MEF2C: variants seen among roughly 807,000 people sequenced by gnomAD.
The protein encoded by MEF2C is myocyte-specific enhancer factor 2C.
Under a neutral mutation model 50.5 loss-of-function variants are expected in MEF2C, and 6 were observed. The ratio of observed to expected loss-of-function variants is 0.12; its 90% CI spans 0.07 to 0.23. MEF2C has a LOEUF of 0.23. Among genes scored for constraint, MEF2C ranks in the 10% least tolerant of loss-of-function variants. MEF2C has a pLI of 1.00. For missense variants in MEF2C, 276 were observed against 605.0 expected (o/e 0.46, Z 5.70); for synonymous variants, 183 against 228.0 (o/e 0.80, Z 1.78).
chr5:88,793,994 A>C (rs1024933893), intron 3 of MEF2C, among the ~76,000 whole-genome samples: 1 of 152,180 alleles, frequency 6.6e-6, no homozygotes, highest in African/African-American at 2.4e-5. Flanking sequence ...TTATGGCTGC[A>C]TAGTATTCCA....
chr5:88,863,656 C>T (rs1289726830), intron 1 of MEF2C, among the ~76,000 whole-genome samples: 2 of 152,186 alleles, frequency 1.3e-5, no homozygotes, highest in Non-Finnish European at 2.9e-5. Context: ...CCACTCCCGC[C>T]TCCATTTCTG....
At chr5:88,800,313 C>A (rs970956455) in intron 3 of MEF2C, among the ~76,000 whole-genome samples, 4 of 152,162 alleles carry the variant, frequency 2.6e-5, no homozygotes, top group African/African-American at 9.7e-5. Context: ...AATTGTTTAG[C>A]CTACACCTTC....
chr5:88,819,556 C>T, intron 2 of MEF2C: 1 of 173,466 alleles, frequency 5.8e-6, no homozygotes, highest in Non-Finnish European at 1.1e-5. Flanking sequence ...TGTCACCTGC[C>T]TAACTCTGAA....
chr5:88,721,524 A>G lies in MEF2C; in HGVS notation c.*1080T>C, dbSNP rs1397737283. 1 of 152,618 alleles carries G rather than the reference A, an allele frequency of 6.6e-6. No homozygotes were observed. Among genetic ancestry groups the G allele is most frequent in the Non-Finnish European group, 1.5e-5 (1 of 68,026 alleles). 9.5% of individuals were successfully genotyped at this position (152,618 alleles called of 1,614,324 possible). A position where few individuals can be genotyped will look rare whatever the true frequency, so the allele number is the denominator to read the frequency against. On this transcript the variant is annotated 3_prime_UTR_variant, in exon 11 of 11. Transcript: ENST00000504921. ...AAGAAAATAGTTACTCAAATGTGCAACTGCACAAATATACCCCCCTCCCGC... is the reference window on the plus strand; with the variant it reads ...AAGAAAATAGTTACTCAAATGTGCAGCTGCACAAATATACCCCCCTCCCGC...
At chr5:88,831,349 A>C (rs549357591) in intron 1 of MEF2C, among the ~76,000 whole-genome samples, 1 of 152,038 alleles carries the variant, frequency 6.6e-6, no homozygotes, top group African/African-American at 2.4e-5. Context: ...CAATATTATT[A>C]AGATCGTGGT....
intron 1 of MEF2C, among the ~76,000 whole-genome samples, chr5:88,890,324 A>G (rs1358159998): frequency 6.6e-6 from 1 of 152,214 alleles, no homozygotes; most frequent in Non-Finnish European, 1.5e-5. Context: ...GGGATGTCTT[A>G]CAAAAATGCT....
At position 88,752,486 on chromosome 5, in the gene MEF2C, T is replaced by C. The variant is rs184667984; in HGVS notation, c.403-443A>G. Reference sequence around the variant, plus strand: ...GCATATTTATGTAGAAGTTTAATGATAGAAAATCATCTCCAAGCATGTGCA... The same window carrying C: ...GCATATTTATGTAGAAGTTTAATGACAGAAAATCATCTCCAAGCATGTGCA... On this transcript the variant is annotated intron_variant, in intron 4 of 10. Coordinates refer to ENST00000504921, the MANE Select transcript of MEF2C (RefSeq NM_002397.5). The C allele has an allele frequency of 2.7e-5, 14 of 520,830 alleles. No individual in the cohort carries two copies. In the East Asian group the frequency reaches 1.5e-3, roughly 56 times the overall value. 32.3% of individuals were successfully genotyped at this position (520,830 alleles called of 1,614,324 possible).
intron 1 of MEF2C, among the ~76,000 whole-genome samples, chr5:88,834,448 G>A (rs1271624063): frequency 1.3e-5 from 2 of 152,060 alleles, no homozygotes; most frequent in African/African-American, 2.4e-5. Context: ...ATGATGCTAC[G>A]TGCCATGGAC....
intron 2 of MEF2C, among the ~76,000 whole-genome samples, chr5:88,810,892 G>A (rs1802491341): frequency 1.3e-5 from 2 of 152,072 alleles, no homozygotes; most frequent in African/African-American, 4.8e-5. Flanking sequence ...GCCTTCTACA[G>A]CCTTTAGAAA....
chr5:88,762,258 A>G (rs1778209295), intron 3 of MEF2C, among the ~76,000 whole-genome samples: 1 of 152,172 alleles, frequency 6.6e-6, no homozygotes, highest in Admixed American at 6.5e-5. Context: ...AAAAAGTATA[A>G]GTTAGGAGTC....
intron 1 of MEF2C, among the ~76,000 whole-genome samples, chr5:88,853,134 G>A (rs1822007950): frequency 6.6e-6 from 1 of 152,160 alleles, no homozygotes; most frequent in Non-Finnish European, 1.5e-5. Flanking sequence ...TGAGGTGCGA[G>A]GATCACTTGA....
intron 3 of MEF2C, among the ~76,000 whole-genome samples, chr5:88,770,677 G>A (rs995159493): frequency 3.9e-5 from 6 of 152,040 alleles, no homozygotes; most frequent in South Asian, 2.1e-4. Flanking sequence ...CCTTGATTCC[G>A]TAATTTCTTG....
intron 3 of MEF2C, among the ~76,000 whole-genome samples, chr5:88,791,862 A>C (rs926035755): frequency 6.6e-6 from 1 of 152,028 alleles, no homozygotes; most frequent in Non-Finnish European, 1.5e-5. Flanking sequence ...TAAATAACAA[A>C]ATCTTTTTCC....
intron 6 of MEF2C, chr5:88,743,347 G>A (rs1489541221): frequency 4.1e-6 from 4 of 985,220 alleles, no homozygotes; most frequent in Non-Finnish European, 4.8e-6. Context: ...AAGAATTGCA[G>A]AGAAGTCTTT....
intron 1 of MEF2C, among the ~76,000 whole-genome samples, chr5:88,851,972 C>G (rs1821527143): frequency 3.3e-5 from 5 of 152,030 alleles, no homozygotes; most frequent in Admixed American, 3.3e-4. Context: ...AGCAATTTAT[C>G]AAACTATTTG....
chr5:88,778,753 G>C (rs1786190640), intron 3 of MEF2C, among the ~76,000 whole-genome samples: 2 of 152,178 alleles, frequency 1.3e-5, no homozygotes, highest in Admixed American at 1.3e-4. Context: ...CAGTTACAAG[G>C]AAGACACAGT....
rs567155941 is a variant in MEF2C at position 88,770,151 on chromosome 5, A to G, written c.259-8823T>C. ...ATCAGAGAACAGGTTTTTTGAAAGT[A>G]TAAAATGTATAATAATTGTAACTTC... is the stretch of plus-strand genomic sequence containing the variant. On this transcript the variant is annotated intron_variant, in intron 3 of 10. Coordinates refer to ENST00000504921, the MANE Select transcript of MEF2C (RefSeq NM_002397.5). Among the ~76,000 whole-genome samples the G allele has an allele frequency of 2.0e-5, 3 of 152,332 alleles. No homozygotes were observed. In the South Asian group the frequency reaches 6.2e-4, roughly 32 times the overall value.
At chr5:88,731,205 A>C (rs1386539915) in intron 7 of MEF2C, among the ~76,000 whole-genome samples, 1 of 152,176 alleles carries the variant, frequency 6.6e-6, no homozygotes, top group African/African-American at 2.4e-5. Context: ...TGGAAAGATG[A>C]ATTGAGGCAG....
chr5:88,754,251 T>C (rs115919170), intron 4 of MEF2C, among the ~76,000 whole-genome samples: 276 of 152,356 alleles, frequency 1.8e-3, no homozygotes, highest in African/African-American at 6.4e-3. Context: ...TGCGTTTCTC[T>C]AGCGAAGACC....
Sources: gnomAD v4.1 joint callset for allele counts (sites outside exome capture counted in the v4.1 genomes callset) on GRCh38, gnomAD v4.1.1 for gene constraint, MANE v1.5 for transcripts, NCBI Gene and HGNC (gene_info 2026-07-23, HGNC 2026-07-21) for gene names.